ORC4: variants seen among roughly 807,000 people sequenced by gnomAD.
ORC4 encodes the protein origin recognition complex subunit 4, also known as origin recognition complex, subunit 4 homolog.
In ORC4, 55 loss-of-function variants were observed where a neutral mutation model predicts 63.9. The observed-to-expected ratio is 0.86, with a 90% CI of 0.69 to 1.08. ORC4 has a LOEUF of 1.08. Ranked by LOEUF, ORC4 falls within the 50% of genes least tolerant of loss-of-function variation. ORC4 has a pLI of 0.00. For synonymous variants in ORC4, 150 were observed against 168.5 expected, an observed-to-expected ratio of 0.89 and a Z score of 0.85; for missense variants, 511 against 504.4, an observed-to-expected ratio of 1.01 and a Z score of -0.13.
chr2:147,993,324 T>C (rs768455633), intron 1 of ORC4, among the ~76,000 whole-genome samples: 32 of 152,076 alleles, frequency 2.1e-4, no homozygotes, highest in Non-Finnish European at 4.0e-4. Flanking sequence ...ACAACTCCAG[T>C]AAGTTAATTA....
intron 4 of ORC4, among the ~76,000 whole-genome samples, chr2:147,967,558 CG>C (rs1361640965): frequency 6.7e-6 from 1 of 149,766 alleles, no homozygotes; most frequent in Non-Finnish European, 1.5e-5. Flanking sequence ...ACCAAAAAAA[CG>C]TAATTACTGA....
intron 1 of ORC4, among the ~76,000 whole-genome samples, chr2:147,981,338 T>C (rs1224407026): frequency 6.6e-6 from 1 of 152,204 alleles, no homozygotes; most frequent in Non-Finnish European, 1.5e-5. Flanking sequence ...ATTATGTATG[T>C]CCCAGGCAAG....
intron 7 of ORC4, among the ~76,000 whole-genome samples, chr2:147,953,452 T>G (rs1276910105): frequency 6.6e-6 from 1 of 152,070 alleles, no homozygotes; most frequent in Non-Finnish European, 1.5e-5. Context: ...ATTGACAGAG[T>G]TTTCTATACC....
intron 1 of ORC4, among the ~76,000 whole-genome samples, chr2:147,997,312 C>T (rs1692030173): frequency 6.6e-6 from 1 of 152,046 alleles, no homozygotes; most frequent in African/African-American, 2.4e-5. Context: ...CTGAATGATA[C>T]TGTAATAATG....
chr2:147,952,446 A>G lies in ORC4; in HGVS notation c.515T>C (p.Leu172Pro). The change falls in exon 8 of 14, where the codon CTT (leucine) becomes CCT (proline). Residue 172 changes from leucine (L) to proline (P), a missense_variant. Transcript: ENST00000392857. ...DLFAHHKNQT[L>P]LYNLFDISQS... is the part of the protein sequence containing the mutation. ...AGAAATGTCAAAAAGATTATAGAGA[A>G]GTGTTTGGTTTTTATGATGAGCAAA... 6.2e-7 allele frequency: 1 copy of G among 1,610,436 alleles called. No homozygotes were observed. The highest frequency in any genetic ancestry group is 1.3e-5 in the African/African-American group (1 of 74,960).
chr2:147,935,583 T>A lies in ORC4; in HGVS notation c.1238A>T (p.Asn413Ile). 6.2e-7 allele frequency: 1 copy of A among 1,613,824 alleles called. No individual in the cohort carries two copies. The highest frequency in any genetic ancestry group is 8.5e-7 in the Non-Finnish European group (1 of 1,179,774). The change falls in exon 14 of 14, where the codon AAT becomes ATT. Residue 413 changes from asparagine (N) to isoleucine (I), a missense_variant. Asn to Ile is a moderately radical substitution (Grantham distance 149). Transcript: ENST00000392857. The stretch of plus-strand genomic sequence containing the variant: ...ACAGTTGGGATATTTCTGCAGAGCA[T>A]TCATAATTTGAGTATTATCCAAAAG... ...KLLLDNTQIM[N>I]ALQKYPNCPT...
intron 10 of ORC4, among the ~76,000 whole-genome samples, chr2:147,941,434 A>G (rs539798527): frequency 2.0e-5 from 3 of 152,144 alleles, no homozygotes; most frequent in South Asian, 4.1e-4. Flanking sequence ...AGCAATAAAT[A>G]TTAATAGTCA....
intron 1 of ORC4, 139 bp downstream of exon 1, chr2:148,020,494 C>T (rs1283348735): frequency 6.6e-6 from 1 of 152,332 alleles, no homozygotes; most frequent in Non-Finnish European, 1.5e-5. Flanking sequence ...CTATACAAGC[C>T]TGCCCCCTTC....
At position 147,958,337 on chromosome 2, in the gene ORC4, C is replaced by G; in HGVS notation, c.348G>C (p.Arg116Ser). 6.2e-7 allele frequency: 1 copy of G among 1,612,302 alleles called. No individual in the cohort carries two copies. The highest frequency in any genetic ancestry group is 8.5e-7 in the Non-Finnish European group (1 of 1,178,818). The part of the protein sequence containing the change: ...NDKIALKEIT[R>S]QLNLENVVGD... ...CAACTACATTTTCCAGATTTAACTGCCTTGTGATTTCCTTTAGGGCGATTT... is the reference window on the plus strand; with the variant it reads ...CAACTACATTTTCCAGATTTAACTGGCTTGTGATTTCCTTTAGGGCGATTT... Residue 116 changes from arginine to serine, a missense_variant, in exon 6 of 14, where the codon AGG (arginine) becomes AGC (serine). Transcript: ENST00000392857.
intron 2 of ORC4, among the ~76,000 whole-genome samples, chr2:147,975,039 A>G (rs1690462638): frequency 6.6e-6 from 1 of 152,156 alleles, no homozygotes. Flanking sequence ...TATTTCAGTT[A>G]AAAATTTTTT....
Position 147,975,976 on chromosome 2 carries a change from C to CT in ORC4, c.-17-2dup. 6.9e-7 allele frequency: 1 copy of CT among 1,458,542 alleles called. No homozygotes were observed. The highest frequency in any genetic ancestry group is 9.3e-7 in the Non-Finnish European group (1 of 1,076,180). 90.4% of individuals were successfully genotyped at this position (1,458,542 alleles called of 1,614,324 possible). ...CTGCTCATTTCAACAAATTCAAATCCTTTAAAAAAATTGGCATAAATATTA... is the reference window on the plus strand; with the variant it reads ...CTGCTCATTTCAACAAATTCAAATCCTTTTAAAAAAATTGGCATAAATATTA... On this transcript the variant is annotated splice_acceptor_variant, in intron 1 of 13. Transcript: ENST00000392857. LOFTEE classifies it low-confidence loss of function (5UTR_SPLICE).
intron 1 of ORC4, 54 bp from the exon 2 acceptor site, chr2:147,976,029 TAAGAATTTACTGTTCTAGAATTAAAA>T: frequency 2.2e-6 from 2 of 898,810 alleles, no homozygotes; most frequent in South Asian, 2.6e-5. Context: ...AGAGATTACT[TAAGAATTTACTGTTCTAGAATTAAAA>T]TAAATACAAG....
At position 147,933,862 on chromosome 2, in the gene ORC4, A is replaced by G. The variant is rs1687907636; in HGVS notation, c.*1648T>C. ...CTTAGCTTGAATGAGACTGCTGAGA[A>G]GTAAATGACAGGGATCTGAATACTT... On this transcript the variant is annotated 3_prime_UTR_variant, in exon 14 of 14. Transcript: ENST00000392857. 1 of 152,128 alleles carries G rather than the reference A, an allele frequency of 6.6e-6. No individual in the cohort carries two copies. Among genetic ancestry groups the G allele is most frequent in the Non-Finnish European group, 1.5e-5 (1 of 68,002 alleles). 9.4% of individuals were successfully genotyped at this position (152,128 alleles called of 1,614,324 possible). A position where few individuals can be genotyped will look rare whatever the true frequency, so the allele number is the denominator to read the frequency against.
chr2:147,995,462 T>G (rs1004500035), intron 1 of ORC4, among the ~76,000 whole-genome samples: 2 of 152,150 alleles, frequency 1.3e-5, no homozygotes, highest in African/African-American at 4.8e-5. Context: ...GAGTCAGCAG[T>G]GGCAACCTGC....
At chr2:148,008,700 T>C (rs146621286) in intron 1 of ORC4, among the ~76,000 whole-genome samples, 63 of 152,214 alleles carry the variant, frequency 4.1e-4, no homozygotes, top group African/African-American at 1.4e-3. Flanking sequence ...AATTAGCCAA[T>C]TGGAATTAGT....
rs189292276 is a variant in ORC4 at position 147,932,672 on chromosome 2, T to G, written c.*2838A>C. 1.3e-5 allele frequency: 2 copies of G among 152,276 alleles called. No homozygotes were observed. The highest frequency in any genetic ancestry group is 4.8e-5 in the African/African-American group (2 of 41,554). 9.4% of individuals were successfully genotyped at this position (152,276 alleles called of 1,614,324 possible). ...GATTATATTCCCACTAAAGTATGTGTGTTGGTCCTGCCAGTATTAGAAACC... is the reference window on the plus strand; with the variant it reads ...GATTATATTCCCACTAAAGTATGTGGGTTGGTCCTGCCAGTATTAGAAACC... On this transcript the variant is annotated 3_prime_UTR_variant, in exon 14 of 14. Transcript: ENST00000392857.
chr2:147,950,347 AAAAAC>A (rs532221418), intron 8 of ORC4, among the ~76,000 whole-genome samples: 242 of 152,292 alleles, frequency 1.6e-3, no homozygotes, highest in African/African-American at 5.4e-3. Flanking sequence ...AGGAACTAGT[AAAAAC>A]AAAACAAAAC....
At chr2:148,003,132 C>T (rs1035817190) in intron 1 of ORC4, among the ~76,000 whole-genome samples, 13 of 151,622 alleles carry the variant, frequency 8.6e-5, no homozygotes, top group African/African-American at 2.9e-4. Context: ...GCCTACCAAC[C>T]AAAAAAAAGC....
At chr2:147,970,758 C>A (rs1690164987) in intron 4 of ORC4, among the ~76,000 whole-genome samples, 1 of 152,062 alleles carries the variant, frequency 6.6e-6, no homozygotes, top group Admixed American at 6.6e-5. Context: ...ATCTACATGA[C>A]TTTCGGTTTG....
Sources: allele counts gnomAD v4.1 joint callset (sites outside exome capture counted in the v4.1 genomes callset), GRCh38; gene constraint gnomAD v4.1.1; transcripts MANE v1.5; gene names NCBI Gene and HGNC (gene_info 2026-07-23, HGNC 2026-07-21).